The following ZNF362 variants were observed in gnomAD, a reference collection of about 807,000 sequenced individuals.
ZNF362 encodes zinc finger protein 362.
A neutral mutation model predicts 42.9 loss-of-function variants in ZNF362; 11 were observed. The observed-to-expected ratio is 0.26, with a 90% CI of 0.16 to 0.42. The LOEUF (loss-of-function observed/expected upper bound fraction) is 0.42, where lower values mean the gene tolerates loss of function less well. Among genes scored for constraint, ZNF362 ranks in the 20% least tolerant of loss-of-function variants. ZNF362 has a pLI of 1.00. For missense variants in ZNF362, 362 were observed against 576.2 expected (o/e 0.63, Z 3.81); for synonymous variants, 255 against 257.3 (o/e 0.99, Z 0.09).
the ZNF362 span, among the ~76,000 whole-genome samples, chr1:33,219,448 G>A: frequency 6.6e-6 from 1 of 152,224 alleles, no homozygotes. Flanking sequence ...GGGTAGTATG[G>A]AGGGAGATTG....
the ZNF362 span, among the ~76,000 whole-genome samples, chr1:33,137,055 G>T: frequency 6.6e-6 from 1 of 152,026 alleles, no homozygotes; most frequent in Non-Finnish European, 1.5e-5. Context: ...GGGAGTGACG[G>T]TTGGCCAGGA....
the ZNF362 span, chr1:33,181,657 G>C: frequency 4.0e-6 from 3 of 745,786 alleles, no homozygotes; most frequent in Non-Finnish European, 6.2e-6. This position sits in a 1 kb window ranked among gnomAD's most constrained non-coding sequence, Gnocchi z 6.5. Flanking sequence ...GGGCAGTCTA[G>C]AGGTAGTGGG....
intron 1 of ZNF362, among the ~76,000 whole-genome samples, chr1:33,261,832 A>C (rs1274683069): frequency 6.6e-6 from 1 of 152,232 alleles, no homozygotes; most frequent in South Asian, 2.1e-4. Flanking sequence ...GGCCACGTGC[A>C]TCTCTGTCTG....
the ZNF362 span, among the ~76,000 whole-genome samples, chr1:33,243,958 G>A: frequency 6.6e-6 from 1 of 151,852 alleles, no homozygotes; most frequent in Non-Finnish European, 1.5e-5. Context: ...TTTTAGAATG[G>A]AAAAAAATAT....
At chr1:33,275,431 T>G in intron 2 of ZNF362, 1 of 977,012 alleles carries the variant, frequency 1.0e-6, no homozygotes, top group Non-Finnish European at 1.2e-6. Flanking sequence ...AGCATTCTCA[T>G]CCACGTCGTT....
At chr1:33,131,191 AT>A in the ZNF362 span, among the ~76,000 whole-genome samples, 1 of 152,194 alleles carries the variant, frequency 6.6e-6, no homozygotes, top group African/African-American at 2.4e-5. Flanking sequence ...CCTGAGTTTG[AT>A]TTACTTGTCA....
At chr1:33,197,093 C>A in the ZNF362 span, among the ~76,000 whole-genome samples, 1 of 152,200 alleles carries the variant, frequency 6.6e-6, no homozygotes, top group Admixed American at 6.5e-5. Context: ...GTGCTGGATG[C>A]TTTCTTCTGC....
chr1:33,232,273 T>C, the ZNF362 span, among the ~76,000 whole-genome samples: 2 of 152,122 alleles, frequency 1.3e-5, no homozygotes. Context: ...GAAATGTATT[T>C]TTTTTTTCTG....
At chr1:33,201,368 C>T in the ZNF362 span, among the ~76,000 whole-genome samples, 1 of 152,146 alleles carries the variant, frequency 6.6e-6, no homozygotes, top group African/African-American at 2.4e-5. Context: ...GGAACATTTA[C>T]TAAGACAGAC....
the ZNF362 span, among the ~76,000 whole-genome samples, chr1:33,245,540 T>G: frequency 1.3e-5 from 2 of 152,170 alleles, no homozygotes; most frequent in African/African-American, 2.4e-5. Context: ...GGATTTTGCA[T>G]GTATAATTAA....
the ZNF362 span, among the ~76,000 whole-genome samples, chr1:33,170,806 C>G: frequency 6.6e-6 from 1 of 151,830 alleles, no homozygotes; most frequent in Admixed American, 6.7e-5. Flanking sequence ...CACCTAACCT[C>G]TCTGTGCCCC....
chr1:33,244,124 A>G, the ZNF362 span, among the ~76,000 whole-genome samples: 1 of 152,298 alleles, frequency 6.6e-6, no homozygotes, highest in South Asian at 2.1e-4. The surrounding 1 kb of genome is among the most constrained non-coding windows in gnomAD (Gnocchi z 4.0). Context: ...TGCTTTTACA[A>G]AGCAGAGAGC....
the ZNF362 span, among the ~76,000 whole-genome samples, chr1:33,135,263 G>T: frequency 6.6e-6 from 1 of 152,166 alleles, no homozygotes; most frequent in Non-Finnish European, 1.5e-5. Flanking sequence ...ACTCCTGCCT[G>T]GGTGACAGAG....
chr1:33,254,108 C>A (rs1271400932), upstream of ZNF362, among the ~76,000 whole-genome samples: 1 of 81,226 alleles, frequency 1.2e-5, no homozygotes, highest in Admixed American at 1.5e-4. Context: ...TACCTAATAT[C>A]TTTTACATTT....
chr1:33,141,605 A>G, the ZNF362 span, among the ~76,000 whole-genome samples: 12 of 152,182 alleles, frequency 7.9e-5, no homozygotes, highest in Non-Finnish European at 1.6e-4. Context: ...CCTTATCATG[A>G]CATCAGGGTA....
At chr1:33,218,527 A>C in the ZNF362 span, among the ~76,000 whole-genome samples, 80 of 152,312 alleles carry the variant, frequency 5.3e-4, no homozygotes, top group African/African-American at 1.9e-3. Context: ...CCTGTTTCTC[A>C]GCACTCTTTC....
At chr1:33,287,377 T>C (rs1179938028) in intron 6 of ZNF362, among the ~76,000 whole-genome samples, 3 of 152,192 alleles carry the variant, frequency 2.0e-5, no homozygotes, top group Non-Finnish European at 4.4e-5. Flanking sequence ...CTCCAGCTAC[T>C]CAGGAGACTG....
At chr1:33,202,362 G>T in the ZNF362 span, among the ~76,000 whole-genome samples, 1 of 151,984 alleles carries the variant, frequency 6.6e-6, no homozygotes, top group Non-Finnish European at 1.5e-5. Context: ...TTTGGGAGGC[G>T]AGGGCGGGCG....
the ZNF362 span, among the ~76,000 whole-genome samples, chr1:33,197,537 C>T: frequency 1.3e-5 from 2 of 152,118 alleles, no homozygotes; most frequent in East Asian, 1.9e-4. Context: ...ATATATGAAA[C>T]GATGGTTCTC....
Sources: gnomAD v4.1 joint callset for allele counts (sites outside exome capture counted in the v4.1 genomes callset) on GRCh38, gnomAD v4.1.1 for gene constraint, Gnocchi (gnomAD v3.1) non-coding constraint, MANE v1.5 for transcripts, NCBI Gene and HGNC (gene_info 2026-07-23, HGNC 2026-07-21) for gene names.